Variants in DTNA observed in about 807,000 individuals in gnomAD.
The protein encoded by DTNA is dystrophin-related protein 3.
Under a neutral mutation model 100.7 loss-of-function variants are expected in DTNA, and 43 were observed. The ratio of observed to expected loss-of-function variants is 0.43; its 90% CI spans 0.33 to 0.55. The LOEUF is 0.55. Among genes scored for constraint, DTNA ranks in the 20% least tolerant of loss-of-function variants. The pLI is 0.04. For missense variants in DTNA, 798 were observed against 953.9 expected, an observed-to-expected ratio of 0.84 and a Z score of 2.15; for synonymous variants, 349 against 347.9, an observed-to-expected ratio of 1.00 and a Z score of -0.04.
chr18:34,751,449 A>C (rs903666886), intron 1 of DTNA, among the ~76,000 whole-genome samples: 10 of 151,168 alleles, frequency 6.6e-5, no homozygotes, highest in African/African-American at 2.4e-4. Flanking sequence ...GATGGCATCT[A>C]GCGTCGATTG....
intron 1 of DTNA, among the ~76,000 whole-genome samples, chr18:34,754,071 C>T (rs2092602243): frequency 1.3e-5 from 2 of 152,120 alleles, no homozygotes; most frequent in Admixed American, 1.3e-4. Flanking sequence ...TATTATCTAA[C>T]CCATTGTTAA....
intron 19 of DTNA, among the ~76,000 whole-genome samples, 178 bp downstream of exon 19, chr18:34,877,986 T>A (rs749128241): frequency 4.6e-5 from 7 of 152,052 alleles, no homozygotes; most frequent in Non-Finnish European, 7.4e-5. Flanking sequence ...TTGTTTTTGG[T>A]TTTTTGAGAC....
chr18:34,770,784 CTTT>C (rs10670584), intron 3 of DTNA, among the ~76,000 whole-genome samples: 10 of 132,872 alleles, frequency 7.5e-5, no homozygotes, highest in Non-Finnish European at 7.8e-5. Context: ...GAATTATATT[CTTT>C]TTTTTTTTTT....
At chr18:34,540,153 C>A (rs2044110353) in intron 1 of DTNA, among the ~76,000 whole-genome samples, 1 of 151,544 alleles carries the variant, frequency 6.6e-6, no homozygotes, top group African/African-American at 2.4e-5. Context: ...TGAGGATGTC[C>A]AAAAAATGTG....
At chr18:34,505,871 TC>T (rs1213213980) in intron 1 of DTNA, among the ~76,000 whole-genome samples, 1 of 152,236 alleles carries the variant, frequency 6.6e-6, no homozygotes, top group Non-Finnish European at 1.5e-5. Flanking sequence ...TTTGAAATCT[TC>T]CCGGTTCTTG....
Position 34,825,063 on chromosome 18 carries a change from AT to A in DTNA, c.1002-2520del, listed in dbSNP as rs140760840. ...AAGCATGTGACACACAGAAAATGCCATTTTTTTTTTAACTATAGCCAAGGGA... is the reference window on the plus strand; with the variant it reads ...AAGCATGTGACACACAGAAAATGCCATTTTTTTTTAACTATAGCCAAGGGA... On this transcript the variant is annotated intron_variant, in intron 9 of 22. Coordinates refer to ENST00000444659, the MANE Select transcript of DTNA (RefSeq NM_001386795.1). Among the ~76,000 whole-genome samples, 539 of 149,466 alleles carry A rather than the reference AT, an allele frequency of 3.6e-3. 4 individuals carry two copies. The highest frequency in any genetic ancestry group is 9.6e-3 in the African/African-American group (391 of 40,876).
rs548398034 is a variant in DTNA, at chr18:34,753,932, A to G, written c.-1-2044A>G. 4.6e-5 allele frequency among the ~76,000 whole-genome samples: 7 copies of G among 152,292 alleles called. No individual in the cohort carries two copies. The South Asian group carries it at 1.4e-3, about 32-fold the overall frequency. On this transcript the variant is annotated intron_variant, in intron 1 of 22. Transcript: ENST00000444659. ...TTTTCTAGATCTATATATCAACTTT[A>G]CCTGCGTATATGAAATCTTATAAAA...
chr18:34,513,230 G>C (rs1372627152), intron 1 of DTNA, among the ~76,000 whole-genome samples: 1 of 152,042 alleles, frequency 6.6e-6, no homozygotes, highest in Non-Finnish European at 1.5e-5. Context: ...GAAAACACTG[G>C]TTGAGATTGA....
rs561025321 is a variant in DTNA at position 34,821,661 on chromosome 18, T to G, written c.1001+746T>G. On this transcript the variant is annotated intron_variant, in intron 9 of 22. Coordinates refer to ENST00000444659, the MANE Select transcript of DTNA (RefSeq NM_001386795.1). ...CTGGGGCTCATAAGAAGAAAGAGTC[T>G]CATTACCTGCTTCTATGCACAATTA... Among the ~76,000 whole-genome samples the G allele has an allele frequency of 1.4e-4, 22 of 152,288 alleles. 1 individual carries two copies. In the South Asian group the frequency reaches 3.9e-3, roughly 27 times the overall value.
In DTNA at chr18:34,888,839, C is replaced by T. The variant is rs1037785883; in HGVS notation, c.*1105C>T. 60 of 985,734 alleles carry T rather than the reference C, an allele frequency of 6.1e-5. No individual in the cohort carries two copies. The highest frequency in any genetic ancestry group is 1.0e-3 in the Middle Eastern group (2 of 1,936). The allele number at this position is 985,734 out of a possible 1,614,324, so 61.1% of individuals were successfully genotyped here. On this transcript the variant is annotated 3_prime_UTR_variant, in exon 23 of 23. Transcript: ENST00000444659. The stretch of plus-strand genomic sequence containing the variant: ...GCTTTAAATGTACAGGCTTAAAGTG[C>T]GCTTGCAAACGTTTGCTCTCCTTTT...
chr18:34,704,490 G>C (rs1049166565), intron 1 of DTNA, among the ~76,000 whole-genome samples: 2 of 152,166 alleles, frequency 1.3e-5, no homozygotes, highest in Admixed American at 1.3e-4. Flanking sequence ...GACACTGACT[G>C]GGTGATTTTT....
chr18:34,786,996 T>C (rs552857323), intron 3 of DTNA, among the ~76,000 whole-genome samples: 3 of 152,262 alleles, frequency 2.0e-5, no homozygotes, highest in East Asian at 1.9e-4. Flanking sequence ...TGCCTAGATA[T>C]GTTGTTAAAA....
intron 13 of DTNA, among the ~76,000 whole-genome samples, chr18:34,847,483 A>C (rs1484431644): frequency 1.3e-5 from 2 of 152,200 alleles, no homozygotes; most frequent in African/African-American, 4.8e-5. Context: ...GAATTTCTGT[A>C]GGTTGAGAAT....
chr18:34,705,498 C>T (rs2082003314), upstream of DTNA, among the ~76,000 whole-genome samples: 1 of 152,170 alleles, frequency 6.6e-6, no homozygotes. Flanking sequence ...TCACAAAGAA[C>T]TCTGTTTCCT....
At chr18:34,751,455 G>A (rs2092312985) in intron 1 of DTNA, among the ~76,000 whole-genome samples, 2 of 150,628 alleles carry the variant, frequency 1.3e-5, no homozygotes, top group Non-Finnish European at 3.0e-5. Flanking sequence ...ATCTAGCGTC[G>A]ATTGGAAAGC....
At chr18:34,496,598 T>A (rs1031268343) in intron 1 of DTNA, among the ~76,000 whole-genome samples, 33 of 152,128 alleles carry the variant, frequency 2.2e-4, no homozygotes, top group African/African-American at 8.0e-4. Context: ...TTTCCAGGTG[T>A]GGGGTGCAGG....
At chr18:34,588,093 C>T (rs2049320257) in intron 1 of DTNA, among the ~76,000 whole-genome samples, 1 of 152,098 alleles carries the variant, frequency 6.6e-6, no homozygotes, top group Non-Finnish European at 1.5e-5. Context: ...TTGTAACAAC[C>T]ACCACAACCC....
At chr18:34,878,016 C>T (rs1050250067) in intron 19 of DTNA, among the ~76,000 whole-genome samples, 2 of 151,702 alleles carry the variant, frequency 1.3e-5, no homozygotes, top group Admixed American at 6.6e-5. Flanking sequence ...CTGTGTTGCC[C>T]GGCTGAAGTA....
chr18:34,755,683 T>C lies in DTNA; in HGVS notation c.-1-293T>C. ...AATGGGAAACGAGTCACCTAACAGA[T>C]GGTAGATTGTTGTATTTAGTTATAG... On this transcript the variant is annotated intron_variant, in intron 1 of 22. Transcript: ENST00000444659. 1.1e-5 allele frequency: 4 copies of C among 363,344 alleles called. 1 individual carries two copies. Among genetic ancestry groups the C allele is most frequent in the South Asian group, 5.3e-5 (2 of 37,878 alleles). 22.5% of individuals were successfully genotyped at this position (363,344 alleles called of 1,614,324 possible).
Sources: gnomAD v4.1 joint callset for allele counts (sites outside exome capture counted in the v4.1 genomes callset) on GRCh38, gnomAD v4.1.1 for gene constraint, MANE v1.5 for transcripts, NCBI Gene and HGNC (gene_info 2026-07-23, HGNC 2026-07-21) for gene names.